ALG12: variants seen among roughly 807,000 people sequenced by gnomAD.
ALG12 encodes dol-P-Man:Man(7)GlcNAc(2)-PP-Dol alpha-1,6-mannosyltransferase.
ALG12 carries 36 observed loss-of-function variants against 46.0 expected under a neutral mutation model. The observed-to-expected ratio is 0.78, with a 90% CI of 0.60 to 1.03. The LOEUF is 1.03. Among genes scored for constraint, ALG12 ranks in the 50% least tolerant of loss-of-function variants. ALG12 has a pLI of 0.00. For missense variants in ALG12, 599 were observed against 633.5 expected (o/e 0.95, Z 0.58); for synonymous variants, 326 against 291.6 (o/e 1.12, Z -1.20).
At chr22:49,918,032 G>GGCCCCAGGTGAGGAGCCCGGCCCCA (rs2060628077) in intron 1 of ALG12, 3 of 131,534 alleles carry the variant, frequency 2.3e-5, no homozygotes, top group African/African-American at 5.3e-5. Context: ...TCCGGCCCCC[G>GGCCCCAGGTGAGGAGCCCGGCCCCA]GGTGAGAGGT....
rs781494329 is a variant in ALG12 at position 49,904,003 on chromosome 22, C to T, written c.1302G>A (p.Met434Ile). Residue 434 changes from methionine (M) to isoleucine (I), a missense_variant, in exon 10 of 10, where the codon ATG becomes ATA. By Grantham distance (10) the Met-to-Ile change is conservative (BLOSUM62 1). Coordinates refer to ENST00000330817, the MANE Select transcript of ALG12 (RefSeq NM_024105.4). ...TGMLAYTHIL[M>I]EAAPGLLALY... is the part of the protein sequence containing the mutation. ...GGGCCAGGAGCCCAGGGGCCGCCTC[C>T]ATGAGGATGTGTGTGTATGCCAGCA... The T allele has an allele frequency of 1.9e-6, 3 of 1,614,200 alleles. No individual in the cohort carries two copies. Among genetic ancestry groups the T allele is most frequent in the Non-Finnish European group, 2.5e-6 (3 of 1,180,014 alleles).
chr22:49,917,756 G>A (rs1416155147), intron 1 of ALG12, among the ~76,000 whole-genome samples: 1 of 149,434 alleles, frequency 6.7e-6, no homozygotes, highest in Non-Finnish European at 1.5e-5. Context: ...CCTTCCACAG[G>A]CAGGAGTTCT....
At chr22:49,917,159 G>C (rs541749535) in intron 1 of ALG12, among the ~76,000 whole-genome samples, 47 of 152,336 alleles carry the variant, frequency 3.1e-4, no homozygotes, top group African/African-American at 1.0e-3. Flanking sequence ...GAGGGTGAAC[G>C]GACACTGTCC....
At position 49,903,120 on chromosome 22, in the gene ALG12, G is replaced by T; in HGVS notation, c.*718C>A. On this transcript the variant is annotated 3_prime_UTR_variant, in exon 10 of 10. Transcript: ENST00000330817. ...TGGTCAGTGAGGCTGACAGCACCAA[G>T]CTGTCCCTTTACCATAACACCTGGA... The T allele has an allele frequency of 2.8e-6, 1 of 353,642 alleles. No individual in the cohort carries two copies. Among genetic ancestry groups the T allele is most frequent in the Non-Finnish European group, 5.5e-6 (1 of 180,288 alleles). The allele number at this position is 353,642 out of a possible 1,614,324, so 21.9% of individuals were successfully genotyped here.
chr22:49,897,500 T>C (rs2060487787), downstream of ALG12, among the ~76,000 whole-genome samples: 1 of 152,176 alleles, frequency 6.6e-6, no homozygotes, highest in East Asian at 1.9e-4. Context: ...ATTATCCATT[T>C]TGGATTTTGG....
At position 49,903,575 on chromosome 22, in the gene ALG12, A is replaced by T; in HGVS notation, c.*263T>A. On this transcript the variant is annotated 3_prime_UTR_variant, in exon 10 of 10. Coordinates refer to ENST00000330817, the MANE Select transcript of ALG12 (RefSeq NM_024105.4). Reference sequence around the variant, plus strand: ...GGTCTGGGCGACAGTCACCCGCAGGAAGCCCTGAGCTGGCCACCATCACCC... The same window carrying T: ...GGTCTGGGCGACAGTCACCCGCAGGTAGCCCTGAGCTGGCCACCATCACCC... The T allele has an allele frequency of 1.5e-6, 1 of 657,252 alleles. No individual in the cohort carries two copies. The highest frequency in any genetic ancestry group is 2.8e-6 in the Non-Finnish European group (1 of 355,924). 40.7% of individuals were successfully genotyped at this position (657,252 alleles called of 1,614,324 possible).
At chr22:49,899,938 T>C (rs2060497081), downstream of ALG12, among the ~76,000 whole-genome samples, 1 of 152,080 alleles carries the variant, frequency 6.6e-6, no homozygotes, top group South Asian at 2.1e-4. Context: ...GCAGGAGGAT[T>C]GCTTGAAGCC....
the ALG12 span, among the ~76,000 whole-genome samples, chr22:49,869,800 T>C: frequency 1.3e-5 from 2 of 152,162 alleles, no homozygotes; most frequent in African/African-American, 4.8e-5. Context: ...TTAAAAAGTT[T>C]TGTTTTTAAA....
the ALG12 span, among the ~76,000 whole-genome samples, chr22:49,874,486 A>G: frequency 6.6e-6 from 1 of 150,590 alleles, no homozygotes. Context: ...CCCAGGTTCA[A>G]GCGATTCTCC....
At position 49,913,380 on chromosome 22, in the gene ALG12, C is replaced by T; in HGVS notation, c.295+5G>A. ...TCCCTCCTCCTTTGTTGAAGACCCC[C>T]TTACCTATTAGCTGAGAGTAAAACT... On this transcript the variant is annotated splice_donor_5th_base_variant and intron_variant, in intron 3 of 9. Coordinates refer to ENST00000330817, the MANE Select transcript of ALG12 (RefSeq NM_024105.4). The T allele has an allele frequency of 6.2e-7, 1 of 1,613,796 alleles. No individual in the cohort carries two copies. Among genetic ancestry groups the T allele is most frequent in the Middle Eastern group, 1.6e-4 (1 of 6,062 alleles).
the ALG12 span, among the ~76,000 whole-genome samples, chr22:49,863,183 G>T: frequency 6.6e-6 from 1 of 152,076 alleles, no homozygotes; most frequent in Admixed American, 6.6e-5. Context: ...TGTTTGGTTG[G>T]TTGGTTGGTT....
chr22:49,864,887 C>T, the ALG12 span, among the ~76,000 whole-genome samples: 1 of 142,354 alleles, frequency 7.0e-6, no homozygotes, highest in Admixed American at 7.1e-5. Context: ...GTCAAACCAT[C>T]GATGAAGTTC....
chr22:49,902,411 T>C lies in ALG12; in HGVS notation c.*1427A>G, dbSNP rs1214669523. On this transcript the variant is annotated 3_prime_UTR_variant, in exon 10 of 10. Coordinates refer to ENST00000330817, the MANE Select transcript of ALG12 (RefSeq NM_024105.4). The stretch of plus-strand genomic sequence containing the variant: ...GGTGTGTATGCATGGTGTGTGCACA[T>C]GTGCACTGTGTATGCATGGTGTGTG... 2 of 75,450 alleles carry C rather than the reference T, an allele frequency of 2.7e-5. 1 individual carries two copies. The highest frequency in any genetic ancestry group is 1.1e-3 in the South Asian group (2 of 1,846). 4.7% of individuals were successfully genotyped at this position (75,450 alleles called of 1,614,324 possible).
chr22:49,889,274 G>C, the ALG12 span: 1 of 167,080 alleles, frequency 6.0e-6, no homozygotes, highest in African/African-American at 2.4e-5. Context: ...AATTTTCTTG[G>C]AATACAGTCA....
chr22:49,890,961 C>T, the ALG12 span, among the ~76,000 whole-genome samples: 1 of 151,116 alleles, frequency 6.6e-6, no homozygotes, highest in Non-Finnish European at 1.5e-5. Flanking sequence ...ACCTGGGAGG[C>T]AGAGCTTGCA....
At chr22:49,871,762 T>TTTA in the ALG12 span, among the ~76,000 whole-genome samples, 1 of 149,178 alleles carries the variant, frequency 6.7e-6, no homozygotes, top group Non-Finnish European at 1.5e-5. Flanking sequence ...TATTTATTTT[T>TTTA]TTTTTTTTTT....
the ALG12 span, among the ~76,000 whole-genome samples, chr22:49,864,653 C>T: frequency 6.6e-6 from 1 of 151,776 alleles, no homozygotes; most frequent in Non-Finnish European, 1.5e-5. Context: ...CCCCTCTCTA[C>T]AAAAAATGTT....
the ALG12 span, among the ~76,000 whole-genome samples, chr22:49,867,971 G>A: frequency 7.9e-5 from 12 of 152,296 alleles, no homozygotes; most frequent in South Asian, 2.1e-4. Flanking sequence ...GTGTCACACC[G>A]TATGTTGTTA....
chr22:49,909,860 TC>T, intron 5 of ALG12, 33 bp downstream of exon 5: 1 of 1,613,636 alleles, frequency 6.2e-7, no homozygotes, highest in Non-Finnish European at 8.5e-7. Context: ...CAAAACAAAA[TC>T]CAGTTAGAAG....
Sources: allele counts gnomAD v4.1 joint callset (sites outside exome capture counted in the v4.1 genomes callset), GRCh38; gene constraint gnomAD v4.1.1; transcripts MANE v1.5; gene names NCBI Gene and HGNC (gene_info 2026-07-23, HGNC 2026-07-21).